POLA1: variants seen among roughly 807,000 people sequenced by gnomAD.
The protein encoded by POLA1 is DNA polymerase alpha 1, catalytic subunit.
A neutral mutation model predicts 124.0 loss-of-function variants in POLA1; 15 were observed. The ratio of observed to expected loss-of-function variants is 0.12; its 90% CI spans 0.08 to 0.19. The LOEUF is 0.19. Among genes scored for constraint, POLA1 ranks in the 10% least tolerant of loss-of-function variants. The pLI, the probability that POLA1 is intolerant of heterozygous loss-of-function variation, is 1.00. For synonymous variants in POLA1, 408 were observed against 389.4 expected (o/e 1.05, Z -0.56); for missense variants, 886 against 1,103.4 (o/e 0.80, Z 2.79).
intron 35 of POLA1, among the ~76,000 whole-genome samples, chrX:24,919,394 T>C (rs1368797363): frequency 9.0e-6 from 1 of 111,317 alleles, no homozygotes; most frequent in Non-Finnish European, 1.9e-5. Context: ...CTGTTTCCTA[T>C]ACATTATCTC....
chrX:24,812,595 C>T, intron 28 of POLA1, 63 bp from the exon 29 acceptor site: 1 of 662,988 alleles, frequency 1.5e-6, no homozygotes, highest in South Asian at 2.6e-5. Flanking sequence ...GAATTTGTAA[C>T]ATGTTCATCT....
chrX:24,892,498 T>C lies in POLA1; in HGVS notation c.4164+4376T>C, dbSNP rs748251016. Among the ~76,000 whole-genome samples, 15 of 111,919 alleles carry C rather than the reference T, an allele frequency of 1.3e-4. No individual in the cohort carries two copies. The East Asian group carries it at 3.9e-3, about 29-fold the overall frequency. On this transcript the variant is annotated intron_variant, in intron 35 of 36. Transcript: ENST00000379068. ...AAGTTAGGCAATAAATATTTTAGTA[T>C]CTCTTTGTTTTAAGAATGTGGTTTT...
chrX:24,964,559 A>G (rs1370577587), intron 36 of POLA1, among the ~76,000 whole-genome samples: 1 of 112,698 alleles, frequency 8.9e-6, no homozygotes, highest in Non-Finnish European at 1.9e-5. Context: ...GCTCTTTATA[A>G]TACGTTATTA....
At chrX:24,720,033 A>G (rs1382809453) in intron 10 of POLA1, among the ~76,000 whole-genome samples, 2 of 110,786 alleles carry the variant, frequency 1.8e-5, no homozygotes, top group Non-Finnish European at 3.8e-5. Flanking sequence ...TGCCTACAAC[A>G]TAAAGTCCAA....
intron 36 of POLA1, among the ~76,000 whole-genome samples, chrX:24,974,653 G>C (rs781146590): frequency 9.2e-5 from 10 of 108,552 alleles, no homozygotes; most frequent in African/African-American, 2.7e-4. Flanking sequence ...GGGCATGTTG[G>C]GGGGTGGGGG....
At chrX:24,903,457 G>A (rs1210138116) in intron 35 of POLA1, among the ~76,000 whole-genome samples, 3 of 112,110 alleles carry the variant, frequency 2.7e-5, no homozygotes, top group Non-Finnish European at 5.6e-5. Flanking sequence ...CCTGGTCTGG[G>A]ACGTGGGAAA....
At chrX:24,980,759 T>C (rs1304413937) in intron 36 of POLA1, among the ~76,000 whole-genome samples, 1 of 111,247 alleles carries the variant, frequency 9.0e-6, no homozygotes, top group Admixed American at 9.6e-5. Context: ...TTAGCATGTG[T>C]TTATAAGTTT....
intron 36 of POLA1, among the ~76,000 whole-genome samples, chrX:24,988,073 T>C (rs192830619): frequency 1.9e-3 from 215 of 112,827 alleles, no homozygotes; most frequent in Non-Finnish European, 2.3e-3. Flanking sequence ...CCATGGCCTA[T>C]GTTCTTTTGA....
chrX:24,713,387 C>T (rs974619618), intron 4 of POLA1, among the ~76,000 whole-genome samples: 6 of 111,528 alleles, frequency 5.4e-5, no homozygotes, highest in African/African-American at 2.0e-4. Flanking sequence ...TACACATAGC[C>T]GTAAGAGAAA....
At position 24,810,713 on chromosome X, in the gene POLA1, T is replaced by C. The variant is rs769502754; in HGVS notation, c.3003T>C (p.Asn1001=). Residue 1001 remains asparagine, a synonymous_variant, in exon 28 of 37, where the codon AAT becomes AAC. Coordinates refer to ENST00000379068, the MANE Select transcript of POLA1 (RefSeq NM_001330360.2). ...TAATTTTTGCTTTTCATCAGATGAA[T>C]CTTGAAGTTATTTATGGAGATACAG... is the stretch of plus-strand genomic sequence containing the variant. ...MHTKEMVQKM[N]LEVIYGDTDS... The C allele has an allele frequency of 5.1e-6, 5 of 985,426 alleles. No individual in the cohort carries two copies. The highest frequency in any genetic ancestry group is 1.9e-5 in the African/African-American group (1 of 51,593). 81.2% of individuals were successfully genotyped at this position (985,426 alleles called of 1,213,427 possible).
At chrX:24,743,659 C>T (rs1931814434) in intron 23 of POLA1, among the ~76,000 whole-genome samples, 1 of 111,191 alleles carries the variant, frequency 9.0e-6, no homozygotes, top group African/African-American at 3.3e-5. Flanking sequence ...ATGGGTGGTA[C>T]AAAAATAAGT....
In POLA1 at chrX:24,715,185, A is replaced by G. The variant is rs1602268504; in HGVS notation, c.507A>G (p.Leu169=). Residue 169 remains leucine, a synonymous_variant, in exon 6 of 37, where the codon CTA becomes CTG. Coordinates refer to ENST00000379068, the MANE Select transcript of POLA1 (RefSeq NM_001330360.2). The part of the protein sequence containing the change: ...LSKDGLLGDI[L]QDLNTETPQI... ...AGGATGGTCTGCTAGGTGACATTCT[A>G]CAGGATCTTAACACTGAGGTAAATG... 2 of 1,166,931 alleles carry G rather than the reference A, an allele frequency of 1.7e-6. No individual in the cohort carries two copies. Among genetic ancestry groups the G allele is most frequent in the Admixed American group, 2.2e-5 (1 of 46,017 alleles).
chrX:24,708,382 T>C (rs1167020803), intron 4 of POLA1, among the ~76,000 whole-genome samples: 1 of 106,154 alleles, frequency 9.4e-6, no homozygotes, highest in African/African-American at 3.4e-5. Flanking sequence ...CTTTTTTTTT[T>C]TTTTTTTTTA....
intron 34 of POLA1, among the ~76,000 whole-genome samples, chrX:24,885,227 A>T (rs2047050474): frequency 1.8e-5 from 2 of 111,908 alleles, no homozygotes; most frequent in South Asian, 7.5e-4. Context: ...AATTGGATGA[A>T]TTACAACTAT....
At chrX:24,897,540 G>A (rs979325436) in intron 35 of POLA1, among the ~76,000 whole-genome samples, 9 of 111,661 alleles carry the variant, frequency 8.1e-5, no homozygotes, top group African/African-American at 9.8e-5. Context: ...TAGAGCCCAC[G>A]TCTACAAACG....
chrX:24,866,933 C>T (rs1306348224), intron 34 of POLA1, among the ~76,000 whole-genome samples: 1 of 111,309 alleles, frequency 9.0e-6, no homozygotes, highest in Non-Finnish European at 1.9e-5. Flanking sequence ...AAAAGTACTA[C>T]TTTAATGACA....
chrX:24,942,716 G>T (rs775374013), intron 36 of POLA1, among the ~76,000 whole-genome samples: 2 of 111,702 alleles, frequency 1.8e-5, no homozygotes, highest in Non-Finnish European at 3.8e-5. Flanking sequence ...TTTGAGATAG[G>T]GTCTCGCTCT....
chrX:24,716,226 A>G (rs1929820181), intron 6 of POLA1, 136 bp from the exon 7 acceptor site: 1 of 382,795 alleles, frequency 2.6e-6, no homozygotes, highest in Non-Finnish European at 4.5e-6. Context: ...AGTACATGAC[A>G]TCGATGGGAG....
chrX:24,771,089 C>A (rs992924657), intron 26 of POLA1, among the ~76,000 whole-genome samples: 1 of 111,359 alleles, frequency 9.0e-6, no homozygotes, highest in African/African-American at 3.3e-5. Context: ...GCTGAAGGTT[C>A]TTGTGATTCC....
Sources: gnomAD v4.1 joint callset for allele counts (sites outside exome capture counted in the v4.1 genomes callset) on GRCh38, gnomAD v4.1.1 for gene constraint, MANE v1.5 for transcripts, NCBI Gene and HGNC (gene_info 2026-07-23, HGNC 2026-07-21) for gene names.